The following EFNA5 variants were observed in gnomAD, a reference collection of about 807,000 sequenced individuals.
The protein encoded by EFNA5 is ephrin-A5.
EFNA5 carries 5 observed loss-of-function variants against 22.9 expected under a neutral mutation model. The ratio of observed to expected loss-of-function variants is 0.22; its 90% CI spans 0.11 to 0.46. The LOEUF is 0.46. Ranked by LOEUF, EFNA5 falls within the 20% of genes least tolerant of loss-of-function variation. The pLI, the probability that EFNA5 is intolerant of heterozygous loss-of-function variation, is 0.99. For synonymous variants in EFNA5, 113 were observed against 112.2 expected, an observed-to-expected ratio of 1.01 and a Z score of -0.04; for missense variants, 237 against 293.3, an observed-to-expected ratio of 0.81 and a Z score of 1.40.
chr5:107,610,936 G>A (rs1458046331), intron 1 of EFNA5, among the ~76,000 whole-genome samples: 1 of 152,072 alleles, frequency 6.6e-6, no homozygotes, highest in Admixed American at 6.5e-5. Flanking sequence ...TGTTATTCCC[G>A]CTGAGCCTCG....
At chr5:107,428,061 A>T (rs1159046865) in intron 1 of EFNA5, among the ~76,000 whole-genome samples, 2 of 152,212 alleles carry the variant, frequency 1.3e-5, no homozygotes, top group Non-Finnish European at 2.9e-5. Flanking sequence ...TACAGTTAGA[A>T]AGACAATTCC....
At chr5:107,528,010 C>T (rs76276283) in intron 1 of EFNA5, among the ~76,000 whole-genome samples, 3 of 152,184 alleles carry the variant, frequency 2.0e-5, no homozygotes, top group Admixed American at 6.5e-5. Context: ...TCAGGAACCA[C>T]AGCTTGGCAA....
chr5:107,617,728 A>G (rs1356673905), intron 1 of EFNA5, among the ~76,000 whole-genome samples: 1 of 152,204 alleles, frequency 6.6e-6, no homozygotes, highest in Non-Finnish European at 1.5e-5. Flanking sequence ...TGGGCAATGC[A>G]GGATTTGGAC....
chr5:107,610,777 G>A (rs924744695), intron 1 of EFNA5, among the ~76,000 whole-genome samples: 3 of 151,738 alleles, frequency 2.0e-5, no homozygotes, highest in Non-Finnish European at 2.9e-5. Flanking sequence ...ATCTCTTCTC[G>A]CCTTCTCCCT....
chr5:107,514,224 G>C (rs184760699), intron 1 of EFNA5, among the ~76,000 whole-genome samples: 7 of 152,304 alleles, frequency 4.6e-5, no homozygotes, highest in Admixed American at 3.9e-4. Flanking sequence ...AAACAGCAGA[G>C]AGACGGGGCT....
intron 1 of EFNA5, among the ~76,000 whole-genome samples, chr5:107,625,596 A>G (rs1750125835): frequency 1.3e-5 from 2 of 152,156 alleles, no homozygotes; most frequent in Non-Finnish European, 2.9e-5. Flanking sequence ...CTAATATTGC[A>G]TAACAGCAAG....
Position 107,632,358 on chromosome 5 carries a change from TA to T in EFNA5, c.125+38130del, listed in dbSNP as rs540735937. Among the ~76,000 whole-genome samples, 333 of 152,234 alleles carry T rather than the reference TA, an allele frequency of 2.2e-3. 3 individuals carry two copies. The highest frequency in any genetic ancestry group is 7.7e-3 in the African/African-American group (320 of 41,550). On this transcript the variant is annotated intron_variant, in intron 1 of 4. Transcript: ENST00000333274. ...ACTCTGATATACTTATAAGAACACA[TA>T]AAAAAATTATAACACGTTAGCAAAA...
At chr5:107,584,778 T>G (rs1284444018) in intron 1 of EFNA5, among the ~76,000 whole-genome samples, 1 of 152,174 alleles carries the variant, frequency 6.6e-6, no homozygotes, top group East Asian at 1.9e-4. Flanking sequence ...ACTCAATAAG[T>G]GTTTGTGGAA....
chr5:107,389,116 A>G (rs1237921486), intron 2 of EFNA5, among the ~76,000 whole-genome samples: 1 of 152,220 alleles, frequency 6.6e-6, no homozygotes, highest in African/African-American at 2.4e-5. Flanking sequence ...ACAAAAGTGT[A>G]GAGAAAAAGT....
In EFNA5 at chr5:107,400,622, T is replaced by C. The variant is rs147320238; in HGVS notation, c.419-12851A>G. On this transcript the variant is annotated intron_variant, in intron 2 of 4. Transcript: ENST00000333274. ...ATCACAGTGTTTCTAAAATCTAACA[T>C]AGTGCTTGGCACAAAGGAGGTACCC... 1.6e-3 allele frequency among the ~76,000 whole-genome samples: 240 copies of C among 152,360 alleles called. 2 individuals are homozygous for C. The highest frequency in any genetic ancestry group is 5.1e-3 in the African/African-American group (211 of 41,594).
rs1409499357 is a variant in EFNA5 at position 107,651,135 on chromosome 5, CTG to C, written c.125+19352_125+19353del. Among the ~76,000 whole-genome samples, 3 of 152,318 alleles carry C rather than the reference CTG, an allele frequency of 2.0e-5. No homozygotes were observed. In the East Asian group the frequency reaches 5.8e-4, roughly 29 times the overall value. On this transcript the variant is annotated intron_variant, in intron 1 of 4. Transcript: ENST00000333274. ...ATTTCATCAAGTTCTGTTAGACAAA[CTG>C]TATCACTCCACATAGCCCAGCTGAG...
chr5:107,492,266 T>C (rs1232737311), intron 1 of EFNA5, among the ~76,000 whole-genome samples: 2 of 152,180 alleles, frequency 1.3e-5, no homozygotes, highest in African/African-American at 2.4e-5. Context: ...AAAAAAAATA[T>C]TCAAAATACA....
intron 4 of EFNA5, among the ~76,000 whole-genome samples, chr5:107,383,172 G>A (rs1038647118): frequency 1.3e-5 from 2 of 152,120 alleles, no homozygotes; most frequent in Non-Finnish European, 2.9e-5. Context: ...GCCTCCCCTC[G>A]AATAAAAGCT....
chr5:107,519,206 A>G (rs1486279676), intron 1 of EFNA5, among the ~76,000 whole-genome samples: 2 of 152,256 alleles, frequency 1.3e-5, no homozygotes, highest in Non-Finnish European at 2.9e-5. Context: ...AGTTTTAACC[A>G]TCAAAATATC....
chr5:107,436,074 A>G (rs1749101974), intron 1 of EFNA5, among the ~76,000 whole-genome samples: 1 of 152,260 alleles, frequency 6.6e-6, no homozygotes, highest in African/African-American at 2.4e-5. Flanking sequence ...ATAGATAGAT[A>G]AAATTCACAT....
intron 1 of EFNA5, among the ~76,000 whole-genome samples, chr5:107,501,718 T>C (rs773067125): frequency 5.3e-5 from 8 of 152,214 alleles, no homozygotes; most frequent in Non-Finnish European, 8.8e-5. Context: ...GTTGTGGTAT[T>C]TTAAGCCTCA....
chr5:107,561,448 AACCTCC>A (rs1415351569), intron 1 of EFNA5, among the ~76,000 whole-genome samples: 1 of 152,064 alleles, frequency 6.6e-6, no homozygotes, highest in African/African-American at 2.4e-5. Flanking sequence ...GGCCCACTGC[AACCTCC>A]ACCTCCTGGG....
At chr5:107,528,184 G>A (rs1747736448) in intron 1 of EFNA5, among the ~76,000 whole-genome samples, 1 of 152,156 alleles carries the variant, frequency 6.6e-6, no homozygotes, top group South Asian at 2.1e-4. Context: ...GCCTCACCAG[G>A]CTGCTGTGAC....
chr5:107,577,490 C>T (rs763211434), intron 1 of EFNA5, among the ~76,000 whole-genome samples: 3 of 151,986 alleles, frequency 2.0e-5, no homozygotes, highest in South Asian at 2.1e-4. Context: ...CAGGCCGAAA[C>T]GGGAAATTTA....
Sources: allele counts gnomAD v4.1 joint callset (sites outside exome capture counted in the v4.1 genomes callset), GRCh38; gene constraint gnomAD v4.1.1; transcripts MANE v1.5; gene names NCBI Gene and HGNC (gene_info 2026-07-23, HGNC 2026-07-21).